PDE1B: variants seen among roughly 807,000 people sequenced by gnomAD.
The protein encoded by PDE1B is phosphodiesterase 1B, also known as dual specificity calcium/calmodulin-dependent 3',5'-cyclic nucleotide phosphodiesterase 1B.
Under a neutral mutation model 66.7 loss-of-function variants are expected in PDE1B, and 13 were observed. The observed-to-expected ratio is 0.19, with a 90% CI of 0.13 to 0.31. PDE1B has a LOEUF of 0.31. PDE1B is among the 10% of genes least tolerant of loss of function. The pLI, the probability that PDE1B is intolerant of heterozygous loss-of-function variation, is 1.00. For synonymous variants in PDE1B, 230 were observed against 253.9 expected, an observed-to-expected ratio of 0.91 and a Z score of 0.90; for missense variants, 485 against 682.3, an observed-to-expected ratio of 0.71 and a Z score of 3.22.
In PDE1B at chr12:54,575,001, G is replaced by A; in HGVS notation, c.1065-97G>A. The A allele has an allele frequency of 1.3e-6, 1 of 780,450 alleles. No individual in the cohort carries two copies. The highest frequency in any genetic ancestry group is 2.0e-6 in the Non-Finnish European group (1 of 494,898). 48.3% of individuals were successfully genotyped at this position (780,450 alleles called of 1,614,324 possible). A position where few individuals can be genotyped will look rare whatever the true frequency, so the allele number is the denominator to read the frequency against. On this transcript the variant is annotated intron_variant, in intron 10 of 15. Transcript: ENST00000243052. This position sits in a 1 kb window ranked among gnomAD's most constrained non-coding sequence, Gnocchi z 4.0. ...AAAAAAAAAAAAAAAAAAGGAAGAA[G>A]TTATGTGATAGGGTGTGCGTGGGAA... is the stretch of plus-strand genomic sequence containing the variant.
At chr12:54,559,758 G>A (rs1484131204) in intron 2 of PDE1B, among the ~76,000 whole-genome samples, 1 of 152,176 alleles carries the variant, frequency 6.6e-6, no homozygotes, top group African/African-American at 2.4e-5. Context: ...GGAGAGTTGA[G>A]GTTAGCACTT....
chr12:54,575,916 C>A lies in PDE1B; in HGVS notation c.1268-76C>A. The A allele has an allele frequency of 9.1e-7, 1 of 1,102,966 alleles. No individual in the cohort carries two copies. The highest frequency in any genetic ancestry group is 1.2e-5 in the South Asian group (1 of 80,674). 68.3% of individuals were successfully genotyped at this position (1,102,966 alleles called of 1,614,324 possible). ...TTTCATAAGCAGCCAGGGGTCCTGG[C>A]CATGCCAGCTGCATGCTCTGCCTAG... On this transcript the variant is annotated intron_variant, in intron 12 of 15. Coordinates refer to ENST00000243052, the MANE Select transcript of PDE1B (RefSeq NM_000924.4). The surrounding 1 kb of genome is among the most constrained non-coding windows in gnomAD (Gnocchi z 4.0).
Position 54,569,816 on chromosome 12 carries a change from C to T in PDE1B, c.477+204C>T, listed in dbSNP as rs760223117. Among the ~76,000 whole-genome samples the T allele has an allele frequency of 6.6e-6, 1 of 151,970 alleles. No individual in the cohort carries two copies. The highest frequency in any genetic ancestry group is 1.5e-5 in the Non-Finnish European group (1 of 67,998). ...CTCCCTGCAAGCGATTCTCCTGCCT[C>T]AGCCTCCTGAGTAGCTGGGATTACA... is the stretch of plus-strand genomic sequence containing the variant. On this transcript the variant is annotated intron_variant, in intron 5 of 15. Coordinates refer to ENST00000243052, the MANE Select transcript of PDE1B (RefSeq NM_000924.4). This position sits in a 1 kb window ranked among gnomAD's most constrained non-coding sequence, Gnocchi z 4.4.
chr12:54,572,972 C>T (rs1463296269), intron 7 of PDE1B, among the ~76,000 whole-genome samples, 176 bp from the exon 8 acceptor site: 1 of 152,134 alleles, frequency 6.6e-6, no homozygotes, highest in Non-Finnish European at 1.5e-5. Flanking sequence ...GTTGCAGGTT[C>T]GGATGGAGGA....
In PDE1B at chr12:54,556,244, C is replaced by G. The variant is rs145647100; in HGVS notation, c.113+6259C>G. On this transcript the variant is annotated intron_variant, in intron 2 of 15. Coordinates refer to ENST00000243052, the MANE Select transcript of PDE1B (RefSeq NM_000924.4). ...GGTGGAAGTGAGACAACTGGGGAGA[C>G]TGGAAGTTGTTAGATAATGAAATTG... 8.4e-3 allele frequency among the ~76,000 whole-genome samples: 1,279 copies of G among 152,138 alleles called. 19 individuals are homozygous for G. Among genetic ancestry groups the G allele is most frequent in the African/African-American group, 0.028 (1,150 of 41,502 alleles).
At chr12:54,574,202 A>G (rs1394331172) in intron 10 of PDE1B, 1 of 181,960 alleles carries the variant, frequency 5.5e-6, no homozygotes, top group Non-Finnish European at 1.2e-5. Flanking sequence ...AATGTTGCTT[A>G]GAAGTGAGTG....
At chr12:54,559,839 T>C (rs561274453) in intron 2 of PDE1B, among the ~76,000 whole-genome samples, 1 of 151,890 alleles carries the variant, frequency 6.6e-6, no homozygotes, top group East Asian at 1.9e-4. Context: ...GGGTTGGAGG[T>C]TATTAGTGTT....
chr12:54,575,788 G>C lies in PDE1B; in HGVS notation c.1267+156G>C. The stretch of plus-strand genomic sequence containing the variant: ...ATGGGGTCCTGGGTTAGGAGGCCAG[G>C]GGGCTGCAATGGCAGGAAGGAGCTC... On this transcript the variant is annotated intron_variant, in intron 12 of 15. Transcript: ENST00000243052. This position sits in a 1 kb window ranked among gnomAD's most constrained non-coding sequence, Gnocchi z 4.0. 1.4e-6 allele frequency: 1 copy of C among 724,994 alleles called. No individual in the cohort carries two copies. The highest frequency in any genetic ancestry group is 2.1e-5 in the Admixed American group (1 of 47,902). 44.9% of individuals were successfully genotyped at this position (724,994 alleles called of 1,614,324 possible). A position where few individuals can be genotyped will look rare whatever the true frequency, so the allele number is the denominator to read the frequency against.
chr12:54,564,038 C>T (rs575111601), intron 2 of PDE1B, among the ~76,000 whole-genome samples: 3 of 152,142 alleles, frequency 2.0e-5, no homozygotes, highest in South Asian at 4.2e-4. Context: ...AAACATGATC[C>T]AGACACCAGA....
At chr12:54,550,905 G>A (rs1440655648) in intron 2 of PDE1B, among the ~76,000 whole-genome samples, 1 of 152,200 alleles carries the variant, frequency 6.6e-6, no homozygotes, top group African/African-American at 2.4e-5. Flanking sequence ...GACAAGCCAT[G>A]CACCATGTTT....
intron 14 of PDE1B, 35 bp downstream of exon 14, chr12:54,576,736 T>G (rs762758727): frequency 1.0e-5 from 16 of 1,572,802 alleles, no homozygotes; most frequent in East Asian, 4.7e-5. Context: ...GGTGAGAACT[T>G]GTGTGGGTGG....
chr12:54,560,857 T>G (rs965817525), intron 2 of PDE1B, among the ~76,000 whole-genome samples: 2 of 152,202 alleles, frequency 1.3e-5, no homozygotes, highest in African/African-American at 4.8e-5. Flanking sequence ...GGTGTTAATT[T>G]GCCCAATCCC....
intron 3 of PDE1B, among the ~76,000 whole-genome samples, chr12:54,568,306 A>C (rs919926026): frequency 2.0e-5 from 3 of 151,936 alleles, no homozygotes; most frequent in Non-Finnish European, 2.9e-5. Flanking sequence ...TCTACAAAAA[A>C]TAAGAATTAG....
intron 13 of PDE1B, 87 bp downstream of exon 13, chr12:54,576,187 A>G: frequency 4.7e-6 from 4 of 846,856 alleles, no homozygotes; most frequent in Non-Finnish European, 8.1e-6. Context: ...ACCGACTCAC[A>G]GCCATGGTGG....
Position 54,572,618 on chromosome 12 carries a change from G to T in PDE1B, c.612G>T (p.Leu204Phe). The T allele has an allele frequency of 1.2e-6, 2 of 1,613,978 alleles. No homozygotes were observed. Among genetic ancestry groups the T allele is most frequent in the South Asian group, 1.1e-5 (1 of 91,060 alleles). Reference protein sequence around the residue: ...ISRFKIPTVFLMSFLDALETG... With the variant: ...ISRFKIPTVFFMSFLDALETG... Reference sequence around the variant, plus strand: ...CCCCGCAGATTCCCACTGTGTTTTTGATGAGTTTCCTGGATGCCTTGGAGA... The same window carrying T: ...CCCCGCAGATTCCCACTGTGTTTTTTATGAGTTTCCTGGATGCCTTGGAGA... Residue 204 changes from leucine to phenylalanine, a missense_variant, in exon 7 of 16, where the codon TTG becomes TTT. By Grantham distance (22) the Leu-to-Phe change is conservative. Around this residue, in one of 4 missense-constraint regions of PDE1B, gnomAD observed 282 missense variants for 453.4 expected, o/e 0.62. Transcript: ENST00000243052.
chr12:54,567,252 C>A (rs1300213801), intron 3 of PDE1B, among the ~76,000 whole-genome samples, 165 bp downstream of exon 3: 1 of 152,010 alleles, frequency 6.6e-6, no homozygotes, highest in Non-Finnish European at 1.5e-5. Context: ...CACCTGTAAT[C>A]CTAGCACTTT....
At chr12:54,577,442 T>C (rs1206324386) in intron 15 of PDE1B, 97 bp downstream of exon 15, 2 of 1,606,548 alleles carry the variant, frequency 1.2e-6, no homozygotes, top group South Asian at 1.1e-5. Context: ...ACATTCTCTC[T>C]CCCCTTTTGA....
chr12:54,575,140 T>C lies in PDE1B; in HGVS notation c.1107T>C (p.Ala369=). ...PKALSLLLHA[A]DISHPTKQWL... ...CCCTGTCTCTACTGCTCCATGCTGCTGACATCAGCCACCCAACCAAGCAGT... is the reference window on the plus strand; with the variant it reads ...CCCTGTCTCTACTGCTCCATGCTGCCGACATCAGCCACCCAACCAAGCAGT... The change falls in exon 11 of 16, where the codon GCT becomes GCC. Residue 369 remains alanine, a synonymous_variant. Coordinates refer to ENST00000243052, the MANE Select transcript of PDE1B (RefSeq NM_000924.4). The surrounding 1 kb of genome is among the most constrained non-coding windows in gnomAD (Gnocchi z 4.0). The C allele has an allele frequency of 1.9e-6, 3 of 1,613,898 alleles. No homozygotes were observed. The highest frequency in any genetic ancestry group is 2.7e-5 in the African/African-American group (2 of 75,026).
Position 54,569,609 on chromosome 12 carries a change from C to A in PDE1B, c.474C>A (p.Leu158=), listed in dbSNP as rs948788953. Reference sequence around the variant, plus strand: ...ACTCTACTGCGGTTCTCAACTGTCTCAAGGTAATCTCTGGGTTTTTGGGAA... The same window carrying A: ...ACTCTACTGCGGTTCTCAACTGTCTAAAGGTAATCTCTGGGTTTTTGGGAA... ...PTYSTAVLNC[L]KNLDLWCFDV... Residue 158 remains leucine, a synonymous_variant, in exon 5 of 16, where the codon CTC becomes CTA. Coordinates refer to ENST00000243052, the MANE Select transcript of PDE1B (RefSeq NM_000924.4). This position sits in a 1 kb window ranked among gnomAD's most constrained non-coding sequence, Gnocchi z 4.4. The A allele has an allele frequency of 6.2e-7, 1 of 1,610,524 alleles. No homozygotes were observed. Among genetic ancestry groups the A allele is most frequent in the African/African-American group, 1.3e-5 (1 of 74,928 alleles).
Sources: gnomAD v4.1 joint callset for allele counts (sites outside exome capture counted in the v4.1 genomes callset) on GRCh38, gnomAD v4.1.1 for gene constraint, gnomAD v4.1.1 regional missense constraint, Gnocchi (gnomAD v3.1) non-coding constraint, MANE v1.5 for transcripts, NCBI Gene and HGNC (gene_info 2026-07-23, HGNC 2026-07-21) for gene names.